FOXO1: variants seen among roughly 807,000 people sequenced by gnomAD.
The protein encoded by FOXO1 is forkhead box O1.
A neutral mutation model predicts 44.1 loss-of-function variants in FOXO1; 6 were observed. The ratio of observed to expected loss-of-function variants is 0.14; its 90% CI spans 0.07 to 0.27. The LOEUF (loss-of-function observed/expected upper bound fraction) is 0.27, where lower values mean the gene tolerates loss of function less well. Among genes scored for constraint, FOXO1 ranks in the 10% least tolerant of loss-of-function variants. The pLI, the probability that FOXO1 is intolerant of heterozygous loss-of-function variation, is 1.00. For synonymous variants in FOXO1, 380 were observed against 362.7 expected (o/e 1.05, Z -0.54); for missense variants, 737 against 888.8 (o/e 0.83, Z 2.17).
At chr13:40,624,261 C>T (rs1179577071) in intron 1 of FOXO1, among the ~76,000 whole-genome samples, 1 of 141,770 alleles carries the variant, frequency 7.1e-6, no homozygotes, top group East Asian at 2.1e-4. Context: ...CTGATAGTAC[C>T]ACCAACAGAA....
intron 1 of FOXO1, among the ~76,000 whole-genome samples, chr13:40,561,613 T>C (rs1164740652): frequency 2.0e-5 from 3 of 151,948 alleles, no homozygotes; most frequent in African/African-American, 7.3e-5. Context: ...AAAGAAGTTT[T>C]ATATTACTGG....
intron 1 of FOXO1, among the ~76,000 whole-genome samples, chr13:40,591,708 T>C (rs1875378610): frequency 6.6e-6 from 1 of 152,242 alleles, no homozygotes; most frequent in Admixed American, 6.5e-5. Context: ...ACTAAAAATA[T>C]ATATATTTTT....
chr13:40,555,901 G>C lies in FOXO1; in HGVS notation c.*3148C>G, dbSNP rs1440288289. 6.6e-6 allele frequency: 1 copy of C among 152,648 alleles called. No homozygotes were observed. Among genetic ancestry groups the C allele is most frequent in the Non-Finnish European group, 1.5e-5 (1 of 68,048 alleles). 9.5% of individuals were successfully genotyped at this position (152,648 alleles called of 1,614,324 possible). ...TGGAATCTGCACTGTTACTAAACTC[G>C]GGTAGCGAAATGCAGGAGGCATGAC... On this transcript the variant is annotated 3_prime_UTR_variant, in exon 3 of 3. Transcript: ENST00000379561.
At chr13:40,620,401 CCAT>C (rs1428087397) in intron 1 of FOXO1, 1 of 668,892 alleles carries the variant, frequency 1.5e-6, no homozygotes, top group African/African-American at 1.8e-5. Flanking sequence ...TATGTTAGTA[CCAT>C]AATTCTTCCT....
chr13:40,637,383 G>A (rs1305993119), intron 1 of FOXO1, among the ~76,000 whole-genome samples: 1 of 142,190 alleles, frequency 7.0e-6, no homozygotes, highest in African/African-American at 2.7e-5. Context: ...GGCGGAGGTT[G>A]CAGTGAGCCA....
chr13:40,572,770 G>C (rs944634540), intron 1 of FOXO1, among the ~76,000 whole-genome samples: 2 of 152,174 alleles, frequency 1.3e-5, no homozygotes, highest in East Asian at 3.9e-4. Context: ...CTGTGGCCCA[G>C]CTTCCCACAG....
chr13:40,623,458 T>C (rs1876684223), intron 1 of FOXO1, among the ~76,000 whole-genome samples: 1 of 152,190 alleles, frequency 6.6e-6, no homozygotes, highest in African/African-American at 2.4e-5. Context: ...CAGAATTAAA[T>C]TACACTGACA....
chr13:40,632,542 GCAC>G (rs1420383155), intron 1 of FOXO1, among the ~76,000 whole-genome samples: 3 of 152,014 alleles, frequency 2.0e-5, no homozygotes, highest in African/African-American at 7.2e-5. Flanking sequence ...GGAGGCTGAG[GCAC>G]GAATATCTCT....
At chr13:40,619,644 A>G in intron 1 of FOXO1, 1 of 1,548,776 alleles carries the variant, frequency 6.5e-7, no homozygotes, top group Non-Finnish European at 8.9e-7. Context: ...CAAGAAGCCA[A>G]ACCTCAGTGA....
chr13:40,599,303 C>G (rs531197972), intron 1 of FOXO1, among the ~76,000 whole-genome samples: 1 of 152,080 alleles, frequency 6.6e-6, no homozygotes, highest in African/African-American at 2.4e-5. Context: ...AGAATGAGAG[C>G]GACTGCTTCT....
intron 1 of FOXO1, chr13:40,620,498 A>C (rs1370863627): frequency 7.6e-6 from 4 of 528,652 alleles, no homozygotes; most frequent in Non-Finnish European, 1.4e-5. Context: ...GGTCTGGAGA[A>C]TCTAGTACTC....
intron 1 of FOXO1, among the ~76,000 whole-genome samples, chr13:40,627,590 T>C (rs914930818): frequency 1.3e-5 from 2 of 152,104 alleles, no homozygotes; most frequent in African/African-American, 2.4e-5. Context: ...CCCAGCACTT[T>C]GGGAAGCCAA....
intron 1 of FOXO1, among the ~76,000 whole-genome samples, chr13:40,570,330 A>AT (rs1163201297): frequency 6.6e-6 from 1 of 151,916 alleles, no homozygotes; most frequent in East Asian, 1.9e-4. Flanking sequence ...ATAAAATAAA[A>AT]TAAAAAAAAG....
At chr13:40,563,497 T>C (rs772153028) in intron 1 of FOXO1, among the ~76,000 whole-genome samples, 1 of 151,992 alleles carries the variant, frequency 6.6e-6, no homozygotes, top group Middle Eastern at 3.4e-3. Flanking sequence ...TACAGTGAAG[T>C]GTGAGAGCGG....
At chr13:40,561,592 G>A (rs536569768) in intron 1 of FOXO1, among the ~76,000 whole-genome samples, 1 of 151,778 alleles carries the variant, frequency 6.6e-6, no homozygotes, top group Non-Finnish European at 1.5e-5. Context: ...TTGAACCTGT[G>A]CCATTTACAT....
intron 1 of FOXO1, among the ~76,000 whole-genome samples, chr13:40,620,899 A>T (rs1022141312): frequency 3.4e-5 from 5 of 147,956 alleles, no homozygotes; most frequent in African/African-American, 7.6e-5. Context: ...CCCGGGTTCA[A>T]GCTATTCTCC....
intron 1 of FOXO1, among the ~76,000 whole-genome samples, chr13:40,612,722 A>G (rs1232310616): frequency 2.0e-5 from 3 of 152,162 alleles, no homozygotes; most frequent in Non-Finnish European, 4.4e-5. Flanking sequence ...AACCACATTC[A>G]TCTATCTTTT....
chr13:40,614,205 G>T (rs1876334075), intron 1 of FOXO1, among the ~76,000 whole-genome samples: 5 of 152,284 alleles, frequency 3.3e-5, no homozygotes, highest in South Asian at 2.1e-4. Context: ...GCATCTAAAA[G>T]CCAAACAGTT....
intron 1 of FOXO1, among the ~76,000 whole-genome samples, chr13:40,563,265 G>C (rs1874115037): frequency 6.6e-6 from 1 of 152,204 alleles, no homozygotes; most frequent in Non-Finnish European, 1.5e-5. Context: ...ATGAGGCCTG[G>C]CTCCAACACA....
Sources: gnomAD v4.1 joint callset for allele counts (sites outside exome capture counted in the v4.1 genomes callset) on GRCh38, gnomAD v4.1.1 for gene constraint, MANE v1.5 for transcripts, NCBI Gene and HGNC (gene_info 2026-07-23, HGNC 2026-07-21) for gene names.